CHD6: variants seen among roughly 807,000 people sequenced by gnomAD.
CHD6 encodes ATP-dependent chromatin remodeler CHD6.
A neutral mutation model predicts 276.9 loss-of-function variants in CHD6; 50 were observed. That is an observed-to-expected ratio of 0.18 (90% CI 0.14 to 0.23). The LOEUF (loss-of-function observed/expected upper bound fraction) is 0.23, where lower values mean the gene tolerates loss of function less well. CHD6 is among the 10% of genes least tolerant of loss of function. The probability of loss-of-function intolerance (pLI) is 1.00; values close to 1 mark genes in which losing one functional copy is unlikely to be tolerated. For synonymous variants in CHD6, 1,173 were observed against 1,229.3 expected (o/e 0.95, Z 0.96); for missense variants, 2,564 against 3,365.8 (o/e 0.76, Z 5.89).
At chr20:41,461,473 C>T (rs376626867) in intron 17 of CHD6, among the ~76,000 whole-genome samples, 8 of 152,088 alleles carry the variant, frequency 5.3e-5, no homozygotes, top group African/African-American at 1.7e-4. Flanking sequence ...GCAATTCTCA[C>T]GATAGTTAAT....
intron 1 of CHD6, among the ~76,000 whole-genome samples, chr20:41,615,384 A>C (rs969107790): frequency 6.6e-6 from 1 of 151,498 alleles, no homozygotes; most frequent in Non-Finnish European, 1.5e-5. Flanking sequence ...GGGAAGAGGT[A>C]TCTCAGCTCT....
intron 1 of CHD6, among the ~76,000 whole-genome samples, chr20:41,577,340 C>T (rs1025667852): frequency 3.9e-5 from 6 of 152,122 alleles, no homozygotes; most frequent in Non-Finnish European, 7.4e-5. Context: ...CGCTTTGTAA[C>T]AAGCAGCTTT....
At position 41,520,585 on chromosome 20, in the gene CHD6, C is replaced by A. The variant is rs1329842441; in HGVS notation, c.555-5633G>T. On this transcript the variant is annotated intron_variant, in intron 3 of 36. Transcript: ENST00000373233. The stretch of plus-strand genomic sequence containing the variant: ...TATCACAAGGACAAAAAACCAAACA[C>A]CGCATGTTCTCACTCATAGGTGGGA... 5.3e-5 allele frequency among the ~76,000 whole-genome samples: 8 copies of A among 151,148 alleles called. No individual in the cohort carries two copies. In the South Asian group the frequency reaches 1.7e-3, roughly 32 times the overall value.
intron 16 of CHD6, among the ~76,000 whole-genome samples, chr20:41,482,975 C>T (rs1339720133): frequency 6.6e-6 from 1 of 151,932 alleles, no homozygotes. Flanking sequence ...TATTAAGCAA[C>T]AAAAATGTAA....
chr20:41,584,605 G>A (rs75349271), intron 1 of CHD6, among the ~76,000 whole-genome samples: 1 of 151,904 alleles, frequency 6.6e-6, no homozygotes, highest in African/African-American at 2.4e-5. Context: ...AAATTTGAAA[G>A]AATTAAAATT....
At chr20:41,432,208 G>A (rs559372951) in intron 27 of CHD6, among the ~76,000 whole-genome samples, 11 of 149,278 alleles carry the variant, frequency 7.4e-5, no homozygotes, top group African/African-American at 2.5e-4. Flanking sequence ...GCTCTCTCTA[G>A]TTAAGGACTA....
At chr20:41,610,784 T>C (rs1282800066) in intron 1 of CHD6, among the ~76,000 whole-genome samples, 1 of 151,280 alleles carries the variant, frequency 6.6e-6, no homozygotes, top group African/African-American at 2.4e-5. Context: ...AATAAATAAA[T>C]AAATAAATAA....
At chr20:41,416,274 T>A (rs1401570162) in intron 33 of CHD6, among the ~76,000 whole-genome samples, 2 of 152,166 alleles carry the variant, frequency 1.3e-5, no homozygotes, top group Non-Finnish European at 2.9e-5. Context: ...CCTATCTTTG[T>A]ATCCACTCTG....
intron 26 of CHD6, among the ~76,000 whole-genome samples, chr20:41,438,210 T>C (rs996207533): frequency 1.3e-5 from 2 of 152,224 alleles, no homozygotes; most frequent in African/African-American, 4.8e-5. Flanking sequence ...CATCAGACCC[T>C]TGATGCTAGC....
At chr20:41,423,066 A>C (rs1023234233) in intron 30 of CHD6, among the ~76,000 whole-genome samples, 3 of 152,242 alleles carry the variant, frequency 2.0e-5, no homozygotes, top group Admixed American at 2.0e-4. Context: ...GGGATATTTA[A>C]ATGACAGCCA....
chr20:41,573,821 C>A (rs2045444217), intron 1 of CHD6, among the ~76,000 whole-genome samples: 9 of 152,118 alleles, frequency 5.9e-5, no homozygotes, highest in Admixed American at 5.9e-4. Flanking sequence ...ATGGGTAGTT[C>A]ACTCTACATT....
At chr20:41,544,411 C>T (rs1486422296) in intron 2 of CHD6, among the ~76,000 whole-genome samples, 1 of 152,118 alleles carries the variant, frequency 6.6e-6, no homozygotes, top group Non-Finnish European at 1.5e-5. Flanking sequence ...GGAGACGAGG[C>T]AATTCCATTA....
At chr20:41,439,850 T>C (rs2047845321) in intron 26 of CHD6, 150 bp downstream of exon 26, 6 of 720,272 alleles carry the variant, frequency 8.3e-6, no homozygotes, top group Non-Finnish European at 1.4e-5. Context: ...GTAACCAAAG[T>C]AGCAATTATG....
intron 27 of CHD6, among the ~76,000 whole-genome samples, chr20:41,437,031 C>T (rs563415921): frequency 5.9e-5 from 9 of 152,028 alleles, no homozygotes; most frequent in Non-Finnish European, 1.2e-4. Context: ...AAGGTATATG[C>T]GATTTCTGTA....
intron 3 of CHD6, among the ~76,000 whole-genome samples, chr20:41,519,102 C>T (rs1427543338): frequency 2.0e-5 from 3 of 152,124 alleles, no homozygotes; most frequent in Non-Finnish European, 2.9e-5. Flanking sequence ...GGCAATATGG[C>T]GAAACCCCGT....
At chr20:41,555,886 G>A (rs1033100352) in intron 1 of CHD6, among the ~76,000 whole-genome samples, 2 of 150,696 alleles carry the variant, frequency 1.3e-5, no homozygotes, top group African/African-American at 4.8e-5. Flanking sequence ...GGTACTTTGG[G>A]AGGCCAAGGC....
At chr20:41,552,447 T>C (rs1162483404) in intron 1 of CHD6, among the ~76,000 whole-genome samples, 1 of 152,250 alleles carries the variant, frequency 6.6e-6, no homozygotes, top group Non-Finnish European at 1.5e-5. Flanking sequence ...GTGGTAGATA[T>C]GTTAATTAGC....
At chr20:41,609,606 G>C (rs1421311339) in intron 1 of CHD6, among the ~76,000 whole-genome samples, 1 of 152,288 alleles carries the variant, frequency 6.6e-6, no homozygotes, top group Admixed American at 6.5e-5. Flanking sequence ...CCCTATCCGT[G>C]ATTTTTAAGG....
intron 1 of CHD6, among the ~76,000 whole-genome samples, chr20:41,603,499 T>C (rs1259138900): frequency 6.6e-6 from 1 of 152,152 alleles, no homozygotes; most frequent in Non-Finnish European, 1.5e-5. Context: ...AAATTCCTTG[T>C]GTAAGGAGAG....
Sources: allele counts gnomAD v4.1 joint callset (sites outside exome capture counted in the v4.1 genomes callset), GRCh38; gene constraint gnomAD v4.1.1; transcripts MANE v1.5; gene names NCBI Gene and HGNC (gene_info 2026-07-23, HGNC 2026-07-21).